Variants in NAA16 observed in about 807,000 individuals in gnomAD.
NAA16 encodes the protein NARG1-like protein.
Under a neutral mutation model 110.3 loss-of-function variants are expected in NAA16, and 97 were observed. The ratio of observed to expected loss-of-function variants is 0.88; its 90% CI spans 0.75 to 1.04. NAA16 has a LOEUF of 1.04. Among genes scored for constraint, NAA16 ranks in the 50% least tolerant of loss-of-function variants. NAA16 has a pLI of 0.00. For synonymous variants in NAA16, 372 were observed against 330.6 expected, an observed-to-expected ratio of 1.13 and a Z score of -1.36; for missense variants, 1,017 against 1,005.1, an observed-to-expected ratio of 1.01 and a Z score of -0.16.
At chr13:41,329,153 A>G (rs2042169937) in intron 7 of NAA16, among the ~76,000 whole-genome samples, 1 of 152,030 alleles carries the variant, frequency 6.6e-6, no homozygotes, top group Non-Finnish European at 1.5e-5. Flanking sequence ...GGGAAAGAAA[A>G]TGAGCATTCC....
chr13:41,331,872 G>A (rs143365324), intron 8 of NAA16, among the ~76,000 whole-genome samples: 1 of 152,076 alleles, frequency 6.6e-6, no homozygotes, highest in Non-Finnish European at 1.5e-5. Flanking sequence ...ATCGTTACAC[G>A]TTCTCTGTAT....
At chr13:41,368,973 C>G in intron 14 of NAA16, 117 bp from the exon 15 acceptor site, 1 of 785,386 alleles carries the variant, frequency 1.3e-6, no homozygotes, top group Non-Finnish European at 2.0e-6. Flanking sequence ...GGGTGGGGGT[C>G]ATGAACCAAT....
intron 6 of NAA16, among the ~76,000 whole-genome samples, chr13:41,327,016 A>G (rs1388987219): frequency 1.3e-5 from 2 of 152,158 alleles, no homozygotes; most frequent in Non-Finnish European, 2.9e-5. Flanking sequence ...AGTTGGAATC[A>G]TACGGTATGT....
At chr13:41,322,596 T>TA (rs1270795351) in intron 4 of NAA16, among the ~76,000 whole-genome samples, 1 of 152,104 alleles carries the variant, frequency 6.6e-6, no homozygotes, top group East Asian at 1.9e-4. Context: ...GAAGCAACAG[T>TA]AAAAATAAGG....
At chr13:41,325,973 T>G in intron 6 of NAA16, 122 bp downstream of exon 6, 1 of 693,038 alleles carries the variant, frequency 1.4e-6, no homozygotes, top group Non-Finnish European at 2.2e-6. Context: ...AACACGATTA[T>G]TAAGCCATTA....
chr13:41,331,254 C>T lies in NAA16; in HGVS notation c.812-20C>T, dbSNP rs369433548. 2.1e-6 allele frequency: 3 copies of T among 1,459,960 alleles called. No individual in the cohort carries two copies. The highest frequency in any genetic ancestry group is 3.5e-5 in the Admixed American group (2 of 56,908). The allele number at this position is 1,459,960 out of a possible 1,614,324, so 90.4% of individuals were successfully genotyped here. ...AAAAGTTTTGATGCTATGAATCTCA[C>T]CCATATTTACTGATAATAGGCACTT... On this transcript the variant is annotated intron_variant, in intron 7 of 19. Transcript: ENST00000379406.
At chr13:41,317,044 G>A (rs763599423) in intron 2 of NAA16, 114 bp downstream of exon 2, 4 of 693,828 alleles carry the variant, frequency 5.8e-6, no homozygotes, top group Non-Finnish European at 7.6e-6. Flanking sequence ...CTATTAGAGT[G>A]CATAAATGTT....
At chr13:41,317,183 A>G (rs1053073133) in intron 2 of NAA16, among the ~76,000 whole-genome samples, 1 of 152,178 alleles carries the variant, frequency 6.6e-6, no homozygotes, top group Non-Finnish European at 1.5e-5. Context: ...AGTATGTATC[A>G]GTATTTTTAT....
At chr13:41,331,470 A>G (rs1593441143) in intron 8 of NAA16, 101 bp downstream of exon 8, 1 of 816,654 alleles carries the variant, frequency 1.2e-6, no homozygotes, top group East Asian at 2.8e-5. Context: ...TTATGTTTAC[A>G]GCAGTCTTGG....
intron 8 of NAA16, 59 bp from the exon 9 acceptor site, chr13:41,336,591 A>G (rs1200173109): frequency 9.5e-7 from 1 of 1,049,178 alleles, no homozygotes; most frequent in Non-Finnish European, 1.4e-6. Context: ...TATTTAGAAA[A>G]TCATTTTAAG....
At chr13:41,337,015 G>A (rs2042398684) in intron 9 of NAA16, among the ~76,000 whole-genome samples, 1 of 152,098 alleles carries the variant, frequency 6.6e-6, no homozygotes, top group East Asian at 1.9e-4. Context: ...ATTTGACATT[G>A]TTACCAAAGG....
At chr13:41,329,554 A>G (rs2042180942) in intron 7 of NAA16, among the ~76,000 whole-genome samples, 2 of 150,878 alleles carry the variant, frequency 1.3e-5, no homozygotes, top group Admixed American at 6.6e-5. Flanking sequence ...AGTTTGGTAA[A>G]TAGGTAGCTA....
intron 3 of NAA16, among the ~76,000 whole-genome samples, chr13:41,319,770 G>T (rs1483093814): frequency 2.0e-5 from 3 of 151,938 alleles, no homozygotes. Context: ...ACCCTCCTCG[G>T]CCTCCCAAAG....
intron 7 of NAA16, among the ~76,000 whole-genome samples, chr13:41,330,041 A>G (rs1010541114): frequency 1.1e-4 from 17 of 150,814 alleles, no homozygotes; most frequent in African/African-American, 3.9e-4. Flanking sequence ...TTTTTTTCAT[A>G]CTTGGCGCTT....
At chr13:41,372,453 C>CT in intron 16 of NAA16, 142 bp downstream of exon 16, 2 of 1,345,476 alleles carry the variant, frequency 1.5e-6, no homozygotes, top group South Asian at 4.3e-5. Flanking sequence ...CTACTCGAAA[C>CT]TTAGGTGGGT....
intron 3 of NAA16, 47 bp downstream of exon 3, chr13:41,318,957 T>C (rs2041877597): frequency 1.6e-6 from 2 of 1,279,944 alleles, no homozygotes; most frequent in African/African-American, 1.5e-5. Flanking sequence ...GCTAGTTTTT[T>C]CCTAATTCAA....
At chr13:41,356,193 G>T (rs1446924440) in intron 10 of NAA16, among the ~76,000 whole-genome samples, 1 of 152,108 alleles carries the variant, frequency 6.6e-6, no homozygotes, top group Non-Finnish European at 1.5e-5. Flanking sequence ...ACACGCGGGG[G>T]TTTGGGGGAG....
At chr13:41,319,445 A>G (rs2041890452) in intron 3 of NAA16, among the ~76,000 whole-genome samples, 1 of 152,218 alleles carries the variant, frequency 6.6e-6, no homozygotes. Context: ...ACACAGAGAC[A>G]TAGCTGTTAC....
chr13:41,334,603 A>G (rs1405152244), intron 8 of NAA16, among the ~76,000 whole-genome samples: 2 of 152,188 alleles, frequency 1.3e-5, no homozygotes, highest in Non-Finnish European at 2.9e-5. Flanking sequence ...GTGAGCAGTA[A>G]TACTAAACAG....
Sources: gnomAD v4.1 joint callset for allele counts (sites outside exome capture counted in the v4.1 genomes callset) on GRCh38, gnomAD v4.1.1 for gene constraint, MANE v1.5 for transcripts, NCBI Gene and HGNC (gene_info 2026-07-23, HGNC 2026-07-21) for gene names.